UNC79: variants seen among roughly 807,000 people sequenced by gnomAD.
UNC79 encodes the protein unc-79 subunit of NALCN channel complex, also known as protein unc-79 homolog.
UNC79 carries 37 observed loss-of-function variants against 283.1 expected under a neutral mutation model. The ratio of observed to expected loss-of-function variants is 0.13; its 90% confidence interval spans 0.10 to 0.17. The LOEUF (loss-of-function observed/expected upper bound fraction) is 0.17. Among genes scored for constraint, UNC79 ranks in the 10% least tolerant of loss-of-function variants. The pLI is 1.00. For synonymous variants in UNC79, 1,107 were observed against 1,200.2 expected (o/e 0.92, Z 1.61); for missense variants, 2,272 against 3,211.1 (o/e 0.71, Z 7.07).
At chr14:93,658,761 T>A (rs975455629) in intron 38 of UNC79, among the ~76,000 whole-genome samples, 1 of 152,174 alleles carries the variant, frequency 6.6e-6, no homozygotes. Context: ...TTTTTTTCCC[T>A]AAAAAGTCCT....
At position 93,688,592 on chromosome 14, in the gene UNC79, C is replaced by G; in HGVS notation, c.6910-73C>G. 6.5e-7 allele frequency: 1 copy of G among 1,536,148 alleles called. No individual in the cohort carries two copies. Among genetic ancestry groups the G allele is most frequent in the Non-Finnish European group, 8.8e-7 (1 of 1,134,550 alleles). ...ATAAGCGGGGTGGAAATGACAACCTCTTCTTTTCAAAGAATGGCCTGGAAT... is the reference window on the plus strand; with the variant it reads ...ATAAGCGGGGTGGAAATGACAACCTGTTCTTTTCAAAGAATGGCCTGGAAT... On this transcript the variant is annotated intron_variant, in intron 43 of 48. Transcript: ENST00000555664. This position sits in a 1 kb window ranked among gnomAD's most constrained non-coding sequence, Gnocchi z 4.0.
chr14:93,569,146 T>C (rs990457166), intron 14 of UNC79, among the ~76,000 whole-genome samples: 7 of 152,168 alleles, frequency 4.6e-5, no homozygotes, highest in Non-Finnish European at 8.8e-5. Flanking sequence ...TTTAAAGAGA[T>C]GGCTCTTGGC....
chr14:93,461,442 G>T lies in UNC79; in HGVS notation c.23-6229G>T, dbSNP rs78235594. 4.4e-3 allele frequency among the ~76,000 whole-genome samples: 666 copies of T among 152,322 alleles called. 3 individuals carry two copies. Among genetic ancestry groups the T allele is most frequent in the African/African-American group, 0.015 (634 of 41,566 alleles). The stretch of plus-strand genomic sequence containing the variant: ...AAGCTCCCAAGAAACGGTGAGGATA[G>T]AAGGGGCCGTAAAATATCAAACAGA... On this transcript the variant is annotated intron_variant, in intron 1 of 48. Transcript: ENST00000555664.
intron 38 of UNC79, among the ~76,000 whole-genome samples, chr14:93,656,636 A>G (rs924364634): frequency 3.9e-5 from 6 of 152,126 alleles, no homozygotes; most frequent in Non-Finnish European, 8.8e-5. Context: ...CCTGGATGAC[A>G]GAGAGAGACT....
intron 44 of UNC79, chr14:93,689,603 C>T (rs1297813489): frequency 3.3e-5 from 5 of 152,438 alleles, no homozygotes; most frequent in African/African-American, 9.7e-5. Context: ...GATCCTCCTG[C>T]CTCAGCCCCC....
chr14:93,682,883 A>G (rs1447647746), intron 42 of UNC79, among the ~76,000 whole-genome samples, 189 bp downstream of exon 45: 1 of 152,246 alleles, frequency 6.6e-6, no homozygotes, highest in Non-Finnish European at 1.5e-5. Flanking sequence ...AGGGTTTAAC[A>G]TATAGTTTGA....
At chr14:93,356,371 AC>A (rs2139926840) in intron 1 of UNC79, among the ~76,000 whole-genome samples, 2 of 152,278 alleles carry the variant, frequency 1.3e-5, no homozygotes, top group South Asian at 4.1e-4. Context: ...TGAGGTCTTA[AC>A]CCAAATTGAT....
intron 19 of UNC79, 61 bp from the exon 20 acceptor site, chr14:93,582,142 C>G: frequency 6.2e-7 from 1 of 1,612,614 alleles, no homozygotes; most frequent in Non-Finnish European, 8.5e-7. Flanking sequence ...CTGAGCTGAG[C>G]AAACCGTTCC....
At chr14:93,370,013 C>T (rs2054409920) in intron 1 of UNC79, among the ~76,000 whole-genome samples, 1 of 152,106 alleles carries the variant, frequency 6.6e-6, no homozygotes, top group Admixed American at 6.5e-5. Context: ...AGTTCGCAGT[C>T]CAGAAGCATA....
chr14:93,521,032 G>A (rs1464031229), intron 7 of UNC79, among the ~76,000 whole-genome samples: 1 of 151,998 alleles, frequency 6.6e-6, no homozygotes, highest in African/African-American at 2.4e-5. Context: ...ACAGTATGTT[G>A]AAGTTTGTTT....
At chr14:93,546,131 A>G (rs2061591394) in intron 14 of UNC79, among the ~76,000 whole-genome samples, 1 of 152,232 alleles carries the variant, frequency 6.6e-6, no homozygotes, top group South Asian at 2.1e-4. Flanking sequence ...CGCAGGAATA[A>G]TTGGAGAAGC....
chr14:93,549,681 T>C (rs1343004963), intron 14 of UNC79, among the ~76,000 whole-genome samples: 1 of 151,818 alleles, frequency 6.6e-6, no homozygotes, highest in Non-Finnish European at 1.5e-5. Context: ...AGCCATGTGG[T>C]GGAAAAAAAA....
At chr14:93,352,910 C>A (rs2054006147) in intron 1 of UNC79, among the ~76,000 whole-genome samples, 1 of 152,200 alleles carries the variant, frequency 6.6e-6, no homozygotes, top group Admixed American at 6.5e-5. Flanking sequence ...GTGCTCAGAA[C>A]ACTTATAAAT....
intron 45 of UNC79, chr14:93,691,201 A>C (rs778547373): frequency 6.2e-6 from 1 of 160,858 alleles, no homozygotes; most frequent in Non-Finnish European, 1.4e-5. Context: ...GGATGGTTGG[A>C]GAGTGATGGA....
chr14:93,684,066 T>C (rs923398896), intron 42 of UNC79, among the ~76,000 whole-genome samples: 80 of 152,324 alleles, frequency 5.3e-4, no homozygotes, highest in African/African-American at 1.8e-3. Flanking sequence ...TTACATAAGA[T>C]CTACCTTCTT....
chr14:93,542,901 G>A (rs930585463), intron 14 of UNC79, among the ~76,000 whole-genome samples: 1 of 151,852 alleles, frequency 6.6e-6, no homozygotes, highest in Non-Finnish European at 1.5e-5. Flanking sequence ...ATGGCAAGAT[G>A]CATTTGTGAG....
At chr14:93,523,788 T>A (rs936076727) in intron 7 of UNC79, among the ~76,000 whole-genome samples, 190 bp from the exon 8 acceptor site, 1 of 152,224 alleles carries the variant, frequency 6.6e-6, no homozygotes, top group Non-Finnish European at 1.5e-5. Flanking sequence ...TCTCTTATCC[T>A]AGGAAAATGG....
At chr14:93,373,317 G>T (rs1310534206) in intron 1 of UNC79, among the ~76,000 whole-genome samples, 1 of 151,814 alleles carries the variant, frequency 6.6e-6, no homozygotes, top group Non-Finnish European at 1.5e-5. Context: ...CAATGAAATT[G>T]AAACAGGAAA....
chr14:93,347,193 G>A (rs966784178), intron 1 of UNC79: 4 of 1,483,756 alleles, frequency 2.7e-6, no homozygotes, highest in African/African-American at 1.4e-5. Flanking sequence ...GCTGCCTCAC[G>A]AGCACTGGAG....
Sources: gnomAD v4.1 joint callset for allele counts (sites outside exome capture counted in the v4.1 genomes callset) on GRCh38, gnomAD v4.1.1 for gene constraint, Gnocchi (gnomAD v3.1) non-coding constraint, MANE v1.5 for transcripts, NCBI Gene and HGNC (gene_info 2026-07-23, HGNC 2026-07-21) for gene names.